PDE5A: variants seen among roughly 807,000 people sequenced by gnomAD.
PDE5A encodes the protein phosphodiesterase 5A, also known as cGMP-specific 3',5'-cyclic phosphodiesterase.
Under a neutral mutation model 110.2 loss-of-function variants are expected in PDE5A, and 67 were observed. The ratio of observed to expected loss-of-function variants is 0.61; its 90% CI spans 0.50 to 0.75. The LOEUF is 0.75. Ranked by LOEUF, PDE5A falls within the 30% of genes least tolerant of loss-of-function variation. The pLI, the probability that PDE5A is intolerant of heterozygous loss-of-function variation, is 0.00. For synonymous variants in PDE5A, 328 were observed against 351.2 expected, an observed-to-expected ratio of 0.93 and a Z score of 0.74; for missense variants, 862 against 1,045.1, an observed-to-expected ratio of 0.82 and a Z score of 2.42.
In PDE5A at chr4:119,494,701, T is replaced by G. The variant is rs527643991; in HGVS notation, c.*3900A>C. The G allele has an allele frequency of 2.2e-4, 33 of 152,736 alleles. No homozygotes were observed. The highest frequency in any genetic ancestry group is 7.9e-4 in the African/African-American group (33 of 41,586). The allele number at this position is 152,736 out of a possible 1,614,324, so 9.5% of individuals were successfully genotyped here. A position where few individuals can be genotyped will look rare whatever the true frequency, so the allele number is the denominator to read the frequency against. On this transcript the variant is annotated 3_prime_UTR_variant, in exon 21 of 21. Coordinates refer to ENST00000354960, the MANE Select transcript of PDE5A (RefSeq NM_001083.4). ...ATAAAAATAGTGCCAGAAACTATAT[T>G]TGTTCAAATATATTGAAAAGGTATA... is the stretch of plus-strand genomic sequence containing the variant.
At position 119,502,625 on chromosome 4, in the gene PDE5A, CA is replaced by C; in HGVS notation, c.2361del (p.Phe787LeufsTer13). 6.2e-7 allele frequency: 1 copy of C among 1,607,460 alleles called. No homozygotes were observed. On this transcript the variant is annotated frameshift_variant, in exon 19 of 21. Coordinates refer to ENST00000354960, the MANE Select transcript of PDE5A (RefSeq NM_001083.4). LOFTEE classifies it high-confidence loss of function. Reference sequence around the variant, plus strand: ...TCTTTTCTCTCTCTGTCTCCTTGATCAAAAAATTCAGTTGCTACAAGTTCTG... The same window carrying C: ...TCTTTTCTCTCTCTGTCTCCTTGATCAAAAATTCAGTTGCTACAAGTTCTG... ...RIAELVATEF[F>X]DQGDRERKEL...
chr4:119,576,263 C>A (rs1271370111), intron 3 of PDE5A, among the ~76,000 whole-genome samples: 2 of 152,184 alleles, frequency 1.3e-5, no homozygotes, highest in Non-Finnish European at 2.9e-5. Context: ...CTACTGTCAA[C>A]ATTAGACAGA....
rs1307116288 is a variant in PDE5A at position 119,568,021 on chromosome 4, G to A, written c.832-877C>T. On this transcript the variant is annotated intron_variant, in intron 3 of 20. Coordinates refer to ENST00000354960, the MANE Select transcript of PDE5A (RefSeq NM_001083.4). ...CACTTTGTTTTCTCAGCTCATTATAGTATCTTAGCTTTAAGAAAAAGATAT... is the reference window on the plus strand; with the variant it reads ...CACTTTGTTTTCTCAGCTCATTATAATATCTTAGCTTTAAGAAAAAGATAT... Among the ~76,000 whole-genome samples the A allele has an allele frequency of 1.3e-5, 2 of 151,962 alleles. 1 individual carries two copies. Among genetic ancestry groups the A allele is most frequent in the Non-Finnish European group, 2.9e-5 (2 of 67,978 alleles).
chr4:119,577,477 G>A (rs1488334755), intron 3 of PDE5A, among the ~76,000 whole-genome samples: 4 of 152,164 alleles, frequency 2.6e-5, no homozygotes, highest in African/African-American at 7.2e-5. Context: ...ACATCAAAAA[G>A]CTTATCCACC....
intron 11 of PDE5A, 200 bp downstream of exon 11, chr4:119,538,760 A>G (rs1726816094): frequency 2.0e-6 from 1 of 493,322 alleles, no homozygotes; most frequent in East Asian, 3.2e-5. Context: ...TGGAAAACAA[A>G]TATCAGAATC....
intron 19 of PDE5A, among the ~76,000 whole-genome samples, chr4:119,502,116 T>G (rs1725366840): frequency 6.6e-6 from 1 of 152,104 alleles, no homozygotes; most frequent in African/African-American, 2.4e-5. Flanking sequence ...TTCCTTTCTC[T>G]GTCAGCCACA....
At chr4:119,554,321 A>G (rs1412288547) in intron 7 of PDE5A, among the ~76,000 whole-genome samples, 1 of 151,832 alleles carries the variant, frequency 6.6e-6, no homozygotes, top group Non-Finnish European at 1.5e-5. Context: ...CTGCTTTGAG[A>G]TGCTTTAAGA....
chr4:119,620,242 G>A (rs943117068), intron 1 of PDE5A, among the ~76,000 whole-genome samples: 7 of 152,180 alleles, frequency 4.6e-5, no homozygotes, highest in Non-Finnish European at 7.3e-5. Flanking sequence ...CTACTCTGAT[G>A]TTACAGTGAG....
chr4:119,594,132 G>T (rs1168629712), intron 3 of PDE5A, among the ~76,000 whole-genome samples: 2 of 151,876 alleles, frequency 1.3e-5, no homozygotes, highest in Non-Finnish European at 2.9e-5. Flanking sequence ...ATATAGCTGT[G>T]TTTTTTTAAT....
chr4:119,600,282 TTG>T (rs2110541440), intron 2 of PDE5A, among the ~76,000 whole-genome samples: 1 of 152,186 alleles, frequency 6.6e-6, no homozygotes, highest in Admixed American at 6.5e-5. Flanking sequence ...GCATCTTTAG[TTG>T]TTGGATGAAA....
chr4:119,604,317 G>A (rs1729452564), intron 2 of PDE5A, among the ~76,000 whole-genome samples: 1 of 152,156 alleles, frequency 6.6e-6, no homozygotes, highest in African/African-American at 2.4e-5. Context: ...ACACATATAA[G>A]TGAAGAATTC....
chr4:119,524,303 G>A, intron 12 of PDE5A, among the ~76,000 whole-genome samples: 1 of 152,084 alleles, frequency 6.6e-6, no homozygotes, highest in Non-Finnish European at 1.5e-5. Flanking sequence ...ACTCTACCAT[G>A]CTGTCCCAAT....
At chr4:119,569,135 G>A (rs1728050082) in intron 3 of PDE5A, among the ~76,000 whole-genome samples, 1 of 151,688 alleles carries the variant, frequency 6.6e-6, no homozygotes, top group South Asian at 2.1e-4. Context: ...CGAGGCTGAG[G>A]CTATTCTCCA....
At chr4:119,610,861 A>T (rs1322173596) in intron 1 of PDE5A, among the ~76,000 whole-genome samples, 3 of 152,106 alleles carry the variant, frequency 2.0e-5, no homozygotes, top group Non-Finnish European at 2.9e-5. Context: ...ATAGTCCCCT[A>T]ATTAATCTCT....
At chr4:119,515,238 C>T (rs1349784062) in intron 14 of PDE5A, among the ~76,000 whole-genome samples, 2 of 152,040 alleles carry the variant, frequency 1.3e-5, no homozygotes, top group African/African-American at 4.8e-5. Context: ...TGGACTTTAC[C>T]CAGTTTGAAC....
At chr4:119,594,624 A>T (rs1174396094) in intron 3 of PDE5A, among the ~76,000 whole-genome samples, 2 of 152,246 alleles carry the variant, frequency 1.3e-5, no homozygotes, top group Non-Finnish European at 2.9e-5. Flanking sequence ...CAGTCCATGT[A>T]TGGCCTTTTC....
chr4:119,549,337 G>A (rs1404784427), intron 9 of PDE5A: 1 of 152,214 alleles, frequency 6.6e-6, no homozygotes, highest in African/African-American at 2.4e-5. Flanking sequence ...GAACAAGTTT[G>A]AAAGTGTAAG....
At chr4:119,604,388 G>T (rs1560637153) in intron 2 of PDE5A, among the ~76,000 whole-genome samples, 1 of 152,154 alleles carries the variant, frequency 6.6e-6, no homozygotes, top group Non-Finnish European at 1.5e-5. Flanking sequence ...CAAAGCTAGA[G>T]AATATTTATG....
intron 3 of PDE5A, among the ~76,000 whole-genome samples, chr4:119,568,210 ATACCTT>A (rs999021688): frequency 4.6e-5 from 7 of 151,954 alleles, no homozygotes; most frequent in Non-Finnish European, 7.4e-5. Flanking sequence ...CAATTATCCT[ATACCTT>A]TTCATTTCCC....
Sources: allele counts gnomAD v4.1 joint callset (sites outside exome capture counted in the v4.1 genomes callset), GRCh38; gene constraint gnomAD v4.1.1; transcripts MANE v1.5; gene names NCBI Gene and HGNC (gene_info 2026-07-23, HGNC 2026-07-21).